Variants in CRYBG1 observed in about 807,000 individuals in gnomAD.
CRYBG1 encodes the protein crystallin beta-gamma domain containing 1.
In CRYBG1, 139 loss-of-function variants were observed where a neutral mutation model predicts 189.2. That is an observed-to-expected ratio of 0.73 (90% CI 0.64 to 0.85). CRYBG1 has a LOEUF of 0.85. Ranked by LOEUF, CRYBG1 falls within the 40% of genes least tolerant of loss-of-function variation. The pLI is 0.00. For missense variants in CRYBG1, 2,611 were observed against 2,675.8 expected (o/e 0.98, Z 0.53); for synonymous variants, 1,023 against 1,017.1 (o/e 1.01, Z -0.11).
At chr6:106,376,687 C>A (rs913181058) in intron 1 of CRYBG1, among the ~76,000 whole-genome samples, 76 of 152,268 alleles carry the variant, frequency 5.0e-4, no homozygotes, top group African/African-American at 1.8e-3. Flanking sequence ...GTCTGCTTAC[C>A]ATTCCTTAGT....
chr6:106,402,873 T>C (rs898531928), intron 1 of CRYBG1, among the ~76,000 whole-genome samples: 4 of 152,068 alleles, frequency 2.6e-5, no homozygotes, highest in Non-Finnish European at 5.9e-5. Flanking sequence ...AATGCAGCCA[T>C]GTGATGAGCA....
intron 1 of CRYBG1, among the ~76,000 whole-genome samples, chr6:106,409,419 A>C (rs1770884152): frequency 6.6e-6 from 1 of 152,260 alleles, no homozygotes; most frequent in Non-Finnish European, 1.5e-5. Flanking sequence ...GATAGGAAGA[A>C]TCAATATTGT....
intron 1 of CRYBG1, among the ~76,000 whole-genome samples, chr6:106,417,313 C>A (rs1771039829): frequency 6.6e-6 from 1 of 152,096 alleles, no homozygotes; most frequent in Non-Finnish European, 1.5e-5. Context: ...AGAGAGGCAT[C>A]TAGGGCATAA....
rs375617683 is a variant in CRYBG1, at chr6:106,568,594, G to C, written c.*28G>C. The C allele has an allele frequency of 1.6e-5, 24 of 1,524,990 alleles. No homozygotes were observed. The African/African-American group carries it at 3.3e-4, about 21-fold the overall frequency. 94.5% of individuals were successfully genotyped at this position (1,524,990 alleles called of 1,614,324 possible). The stretch of plus-strand genomic sequence containing the variant: ...AAAGAAGGAAGAAGAATCTTCTGGA[G>C]GTCCTTCCAGCCACCTTATTTCTTA... On this transcript the variant is annotated 3_prime_UTR_variant, in exon 22 of 22. Transcript: ENST00000633556.
At chr6:106,392,159 A>G (rs563861661) in intron 1 of CRYBG1, among the ~76,000 whole-genome samples, 39 of 152,194 alleles carry the variant, frequency 2.6e-4, no homozygotes, top group African/African-American at 9.2e-4. Context: ...GGGAGTTACA[A>G]TGGGGGATGG....
chr6:106,565,242 AC>A (rs1774846707), intron 21 of CRYBG1, among the ~76,000 whole-genome samples: 3 of 151,800 alleles, frequency 2.0e-5, no homozygotes, highest in Non-Finnish European at 4.4e-5. Context: ...AATCGCGTCA[AC>A]CCGGGAGGCG....
Position 106,520,367 on chromosome 6 carries a change from T to C in CRYBG1, c.3159T>C (p.Ala1053=). Residue 1053 remains alanine (A), a synonymous_variant, in exon 4 of 22, where the codon GCT becomes GCC. Coordinates refer to ENST00000633556, the MANE Select transcript of CRYBG1 (RefSeq NM_001371242.2). ...QSQGSRTPLM[A]ESSPTNSPSS... ...AGGGCAGCAGAACACCCCTGATGGC[T>C]GAATCCAGTCCCACCAACTCTCCCA... 4.3e-6 allele frequency: 7 copies of C among 1,614,130 alleles called. No individual in the cohort carries two copies. The highest frequency in any genetic ancestry group is 5.9e-6 in the Non-Finnish European group (7 of 1,180,034).
At chr6:106,389,807 T>C (rs1037785648) in intron 1 of CRYBG1, among the ~76,000 whole-genome samples, 4 of 152,084 alleles carry the variant, frequency 2.6e-5, no homozygotes, top group African/African-American at 7.2e-5. Flanking sequence ...TTTTTGCATA[T>C]GTTTTGGTTC....
At position 106,368,987 on chromosome 6, in the gene CRYBG1, C is replaced by A. The variant is rs543238255; in HGVS notation, c.173+7906C>A. Among the ~76,000 whole-genome samples, 7 of 152,264 alleles carry A rather than the reference C, an allele frequency of 4.6e-5. No individual in the cohort carries two copies. The South Asian group carries it at 1.5e-3, about 32-fold the overall frequency. ...GATGGAGCCTATCAATATATTGTTA[C>A]CTATGCAAGAACTCCCTTTACAGAG... On this transcript the variant is annotated intron_variant, in intron 1 of 21. Coordinates refer to ENST00000633556, the MANE Select transcript of CRYBG1 (RefSeq NM_001371242.2).
At position 106,360,941 on chromosome 6, in the gene CRYBG1, C is replaced by G. The variant is rs1392920150; in HGVS notation, c.33C>G (p.Pro11=). ...TGTCCCCGCCAGCCCAGGGCGACCC[C>G]GGGGAGCCCAGCCCGTGCAGGCCCC... MPLSPPAQGD[P]GEPSPCRPPK... The change falls in exon 1 of 22, where the codon CCC becomes CCG. Residue 11 remains proline (P), a synonymous_variant. Transcript: ENST00000633556. The G allele has an allele frequency of 4.6e-6, 7 of 1,534,810 alleles. No homozygotes were observed. The South Asian group carries it at 8.3e-5, about 18-fold the overall frequency.
intron 8 of CRYBG1, 90 bp downstream of exon 8, chr6:106,530,405 T>A: frequency 8.0e-7 from 1 of 1,257,782 alleles, no homozygotes; most frequent in Non-Finnish European, 1.1e-6. Context: ...CTGACTCTAA[T>A]TTGTCATCCT....
chr6:106,553,648 T>C, intron 16 of CRYBG1, 81 bp downstream of exon 16: 1 of 948,370 alleles, frequency 1.1e-6, no homozygotes. Context: ...TAGTGATGCC[T>C]GTTAGGTGCT....
intron 1 of CRYBG1, among the ~76,000 whole-genome samples, chr6:106,375,417 G>A (rs201813595): frequency 0.03 from 3,963 of 132,596 alleles, 113 homozygotes; most frequent in East Asian, 0.12. Context: ...AAGTAAGTAA[G>A]TAAGTAAATA....
At chr6:106,516,715 G>A (rs889372689) in intron 3 of CRYBG1, among the ~76,000 whole-genome samples, 2 of 152,172 alleles carry the variant, frequency 1.3e-5, no homozygotes, top group African/African-American at 4.8e-5. Flanking sequence ...TCATTCAGGC[G>A]GGTATAGTCC....
intron 1 of CRYBG1, among the ~76,000 whole-genome samples, chr6:106,406,838 G>T (rs190862732): frequency 6.6e-6 from 1 of 152,250 alleles, no homozygotes; most frequent in Admixed American, 6.5e-5. Context: ...AGCAAATGCC[G>T]AGATATTTTA....
At chr6:106,465,603 G>A (rs1772100178) in intron 2 of CRYBG1, among the ~76,000 whole-genome samples, 1 of 150,970 alleles carries the variant, frequency 6.6e-6, no homozygotes, top group Admixed American at 6.6e-5. Context: ...GGAGTAAAAT[G>A]TTGTACTGCT....
chr6:106,552,319 C>G (rs1285499906), intron 15 of CRYBG1, 103 bp downstream of exon 15: 1 of 820,754 alleles, frequency 1.2e-6, no homozygotes, highest in African/African-American at 1.8e-5. Context: ...GGTGTGGTGG[C>G]TCACGCCTGT....
At chr6:106,478,334 G>A (rs77154055) in intron 2 of CRYBG1, among the ~76,000 whole-genome samples, 9,117 of 152,244 alleles carry the variant, frequency 0.06, 410 homozygotes, top group East Asian at 0.17. Flanking sequence ...TAATCAAAGC[G>A]AGTTAAGCTC....
intron 8 of CRYBG1, among the ~76,000 whole-genome samples, chr6:106,538,022 A>G (rs762747992): frequency 8.5e-5 from 13 of 152,218 alleles, no homozygotes; most frequent in Non-Finnish European, 1.3e-4. Flanking sequence ...TTTTGTTGGT[A>G]AAAGATTTCA....
Sources: allele counts gnomAD v4.1 joint callset (sites outside exome capture counted in the v4.1 genomes callset), GRCh38; gene constraint gnomAD v4.1.1; transcripts MANE v1.5; gene names NCBI Gene and HGNC (gene_info 2026-07-23, HGNC 2026-07-21).